The following GRID2 variants were observed in gnomAD, a reference collection of about 807,000 sequenced individuals.
GRID2 encodes glutamate receptor ionotropic, delta-2.
In GRID2, 33 loss-of-function variants were observed where a neutral mutation model predicts 114.8. The ratio of observed to expected loss-of-function variants is 0.29; its 90% CI spans 0.22 to 0.38. The LOEUF (loss-of-function observed/expected upper bound fraction) is 0.38. Among genes scored for constraint, GRID2 ranks in the 10% least tolerant of loss-of-function variants. GRID2 has a pLI of 1.00. For synonymous variants in GRID2, 505 were observed against 449.9 expected (o/e 1.12, Z -1.55); for missense variants, 1,184 against 1,257.7 (o/e 0.94, Z 0.89).
Position 93,770,688 on chromosome 4 carries a change from T to A in GRID2, c.2601+1238T>A, listed in dbSNP as rs115870332. ...TAAGCTTCTGGTATCTCCGTTGACA[T>A]TGATTCAATGCAAAAGACCACATTA... is the stretch of plus-strand genomic sequence containing the variant. On this transcript the variant is annotated intron_variant, in intron 15 of 15. Transcript: ENST00000282020. 6.2e-3 allele frequency among the ~76,000 whole-genome samples: 943 copies of A among 152,304 alleles called. 12 individuals are homozygous for A. The highest frequency in any genetic ancestry group is 0.022 in the African/African-American group (898 of 41,564).
intron 2 of GRID2, among the ~76,000 whole-genome samples, chr4:92,874,954 A>T (rs1017569891): frequency 1.3e-5 from 2 of 152,052 alleles, no homozygotes; most frequent in Non-Finnish European, 2.9e-5. Context: ...CATTCACATA[A>T]TTTTTTAAAC....
chr4:92,876,467 G>A (rs1377599855), intron 2 of GRID2, among the ~76,000 whole-genome samples: 1 of 151,842 alleles, frequency 6.6e-6, no homozygotes, highest in African/African-American at 2.4e-5. Flanking sequence ...ACCACACCTG[G>A]CTAATTTTTT....
At chr4:92,616,664 G>GA (rs77349014) in intron 2 of GRID2, among the ~76,000 whole-genome samples, 3 of 151,044 alleles carry the variant, frequency 2.0e-5, no homozygotes, top group East Asian at 2.0e-4. Context: ...TTTCCTCAAA[G>GA]AAAAAAACCA....
chr4:92,989,204 G>A (rs1754695563), intron 2 of GRID2, among the ~76,000 whole-genome samples: 1 of 148,446 alleles, frequency 6.7e-6, no homozygotes, highest in Non-Finnish European at 1.5e-5. Flanking sequence ...GTGAACCCGG[G>A]AGGCGGAGGT....
At chr4:92,512,576 TTAAC>T (rs1228976740) in intron 1 of GRID2, among the ~76,000 whole-genome samples, 1 of 151,852 alleles carries the variant, frequency 6.6e-6, no homozygotes, top group South Asian at 2.1e-4. Context: ...TATAAATGCT[TTAAC>T]TAAATTAATA....
chr4:92,903,485 A>G (rs1747730194), intron 2 of GRID2, among the ~76,000 whole-genome samples: 6 of 151,900 alleles, frequency 3.9e-5, no homozygotes, highest in Admixed American at 3.9e-4. Flanking sequence ...TTGACTTTTT[A>G]ATGAGTTACC....
chr4:93,189,339 C>G (rs1278315714), intron 4 of GRID2, among the ~76,000 whole-genome samples: 1 of 152,062 alleles, frequency 6.6e-6, no homozygotes, highest in Non-Finnish European at 1.5e-5. Context: ...AAATTGGTGC[C>G]TTCTTACTGC....
chr4:93,237,015 C>G (rs555064498), intron 7 of GRID2, among the ~76,000 whole-genome samples: 1 of 151,882 alleles, frequency 6.6e-6, no homozygotes, highest in Non-Finnish European at 1.5e-5. Flanking sequence ...TCAGAATAAT[C>G]TTCTGGGGTA....
chr4:93,771,465 A>T (rs1459455349), intron 15 of GRID2, among the ~76,000 whole-genome samples: 1 of 152,182 alleles, frequency 6.6e-6, no homozygotes, highest in African/African-American at 2.4e-5. Flanking sequence ...GGTGCTAGAT[A>T]CCTTGAGTGC....
At chr4:93,198,791 C>A (rs922106505) in intron 4 of GRID2, among the ~76,000 whole-genome samples, 6 of 152,058 alleles carry the variant, frequency 3.9e-5, no homozygotes, top group Admixed American at 1.3e-4. Flanking sequence ...GTGGAGAGCT[C>A]ATATATTGCA....
At chr4:93,164,149 G>GC (rs1258593036) in intron 4 of GRID2, among the ~76,000 whole-genome samples, 1 of 151,012 alleles carries the variant, frequency 6.6e-6, no homozygotes, top group Non-Finnish European at 1.5e-5. Context: ...GAAAAACCAA[G>GC]CCCGGGGGGG....
At position 92,882,461 on chromosome 4, in the gene GRID2, A is replaced by C. The variant is rs76135307; in HGVS notation, c.245-202534A>C. Among the ~76,000 whole-genome samples the C allele has an allele frequency of 5.2e-3, 792 of 152,324 alleles. 7 individuals carry two copies. Among genetic ancestry groups the C allele is most frequent in the African/African-American group, 0.018 (757 of 41,582 alleles). On this transcript the variant is annotated intron_variant, in intron 2 of 15. Coordinates refer to ENST00000282020, the MANE Select transcript of GRID2 (RefSeq NM_001510.4). ...TAGTAAAATATTTTTGATTAAAGAA[A>C]CATTACTGAGGCAATACTGGATAGT...
intron 4 of GRID2, among the ~76,000 whole-genome samples, chr4:93,140,710 C>A (rs181322457): frequency 1.3e-5 from 2 of 152,148 alleles, no homozygotes; most frequent in African/African-American, 4.8e-5. Flanking sequence ...TATGTCTTCT[C>A]TGATACTAAC....
chr4:93,228,870 G>C (rs1241554897), intron 7 of GRID2, among the ~76,000 whole-genome samples: 1 of 152,280 alleles, frequency 6.6e-6, no homozygotes, highest in East Asian at 1.9e-4. Context: ...AGGAAGGAAA[G>C]AGAGACACCA....
intron 8 of GRID2, among the ~76,000 whole-genome samples, chr4:93,294,225 A>T (rs900954837): frequency 3.3e-5 from 5 of 152,030 alleles, no homozygotes; most frequent in Admixed American, 3.3e-4. Context: ...CGAAAAGATG[A>T]GTGTGGTTGT....
chr4:92,726,761 G>A (rs1033155649), intron 2 of GRID2, among the ~76,000 whole-genome samples: 1 of 152,064 alleles, frequency 6.6e-6, no homozygotes, highest in Admixed American at 6.6e-5. Context: ...AAGGACTCAG[G>A]TTAAAAATCA....
chr4:93,151,510 A>G (rs1252116400), intron 4 of GRID2, among the ~76,000 whole-genome samples: 1 of 151,694 alleles, frequency 6.6e-6, no homozygotes, highest in Non-Finnish European at 1.5e-5. Context: ...ACTATGTGAT[A>G]AAGTCAGCCA....
chr4:92,489,204 CTA>C (rs1475156568), intron 1 of GRID2, among the ~76,000 whole-genome samples: 1 of 152,092 alleles, frequency 6.6e-6, no homozygotes, highest in Non-Finnish European at 1.5e-5. Flanking sequence ...ACATTGCACT[CTA>C]TGGTTGATAA....
At chr4:93,471,178 T>G (rs1398995372) in intron 11 of GRID2, among the ~76,000 whole-genome samples, 3 of 152,148 alleles carry the variant, frequency 2.0e-5, no homozygotes, top group African/African-American at 7.2e-5. Flanking sequence ...ACCTCACGGA[T>G]AAAACTTTGT....
Sources: gnomAD v4.1 joint callset for allele counts (sites outside exome capture counted in the v4.1 genomes callset) on GRCh38, gnomAD v4.1.1 for gene constraint, MANE v1.5 for transcripts, NCBI Gene and HGNC (gene_info 2026-07-23, HGNC 2026-07-21) for gene names.